PCDHGB1: variants seen among roughly 807,000 people sequenced by gnomAD.
PCDHGB1 encodes the protein protocadherin gamma subfamily B, 1.
A neutral mutation model predicts 56.6 loss-of-function variants in PCDHGB1; 34 were observed. The observed-to-expected ratio is 0.60, with a 90% CI of 0.46 to 0.80. The LOEUF is 0.80. Among genes scored for constraint, PCDHGB1 ranks in the 30% least tolerant of loss-of-function variants. The pLI, the probability that PCDHGB1 is intolerant of heterozygous loss-of-function variation, is 0.00. For missense variants in PCDHGB1, 1,278 were observed against 1,204.6 expected, an observed-to-expected ratio of 1.06 and a Z score of -0.90; for synonymous variants, 561 against 505.9, an observed-to-expected ratio of 1.11 and a Z score of -1.46.
In PCDHGB1 at chr5:141,489,993, C is replaced by T. The variant is rs1413894892; in HGVS notation, c.2410-4814C>T. 18 of 1,614,186 alleles carry T rather than the reference C, an allele frequency of 1.1e-5. No individual in the cohort carries two copies. The highest frequency in any genetic ancestry group is 1.5e-5 in the Non-Finnish European group (18 of 1,179,990). On this transcript the variant is annotated intron_variant, in intron 1 of 3. Transcript: ENST00000523390. The surrounding 1 kb of genome is among the most constrained non-coding windows in gnomAD (Gnocchi z 4.5). ...AATCCTCAGTTCTACGTGTGGGAAT[C>T]CCAGAGAATGCACCCATTGGTACTC...
intron 1 of PCDHGB1, chr5:141,388,607 G>A (rs943233962): frequency 6.2e-7 from 1 of 1,613,904 alleles, no homozygotes; most frequent in Non-Finnish European, 8.5e-7. Context: ...ATGCTCCAGT[G>A]TTCAGTCAAG....
rs759045688 is a variant in PCDHGB1 at position 141,395,208 on chromosome 5, G to C, written c.2409+42539G>C. 5.6e-6 allele frequency: 9 copies of C among 1,613,352 alleles called. No individual in the cohort carries two copies. In the Admixed American group the frequency reaches 1.5e-4, roughly 27 times the overall value. ...TTTGTTAACATCCGTAGATTTTCAT[G>C]AATATAAGAATGAAGCTGATCATGG... On this transcript the variant is annotated intron_variant, in intron 1 of 3. Coordinates refer to ENST00000523390, the MANE Select transcript of PCDHGB1 (RefSeq NM_018922.3).
chr5:141,390,215 A>G, intron 1 of PCDHGB1: 1 of 1,614,038 alleles, frequency 6.2e-7, no homozygotes. Flanking sequence ...GACAAGACAT[A>G]CTTTGCGGTG....
At chr5:141,438,583 CAT>C (rs1561889590) in intron 1 of PCDHGB1, among the ~76,000 whole-genome samples, 4 of 57,610 alleles carry the variant, frequency 6.9e-5, no homozygotes, top group African/African-American at 3.6e-4. Flanking sequence ...TACATACATA[CAT>C]ACATACATAT....
Position 141,491,383 on chromosome 5 carries a change from A to C in PCDHGB1, c.2410-3424A>C. The C allele has an allele frequency of 6.2e-7, 1 of 1,614,036 alleles. No individual in the cohort carries two copies. The highest frequency in any genetic ancestry group is 8.5e-7 in the Non-Finnish European group (1 of 1,179,962). ...AGTCACCTTCACCTTTCTGTCAGCG[A>C]AGTGCCTTCAGGGAAACGCAGACGG... On this transcript the variant is annotated intron_variant, in intron 1 of 3. Transcript: ENST00000523390. This position sits in a 1 kb window ranked among gnomAD's most constrained non-coding sequence, Gnocchi z 6.9.
At chr5:141,357,721 T>C in intron 1 of PCDHGB1, 2 of 1,415,050 alleles carry the variant, frequency 1.4e-6, no homozygotes, top group Non-Finnish European at 1.9e-6. Flanking sequence ...TAAAGTTGCC[T>C]CTTTTAATAT....
chr5:141,362,803 A>C (rs148727944), intron 1 of PCDHGB1, among the ~76,000 whole-genome samples: 2 of 152,166 alleles, frequency 1.3e-5, no homozygotes, highest in African/African-American at 4.8e-5. Context: ...TCATCTTTAC[A>C]TTACTTCTCT....
chr5:141,507,631 C>T (rs1435446169), intron 3 of PCDHGB1, among the ~76,000 whole-genome samples: 4 of 152,236 alleles, frequency 2.6e-5, no homozygotes, highest in East Asian at 3.8e-4. Context: ...TGTGGCCTTG[C>T]GCCCTGAGGC....
chr5:141,475,903 G>C, intron 1 of PCDHGB1: 5 of 576,064 alleles, frequency 8.7e-6, no homozygotes, highest in Non-Finnish European at 1.5e-5. Context: ...TGCCGCTGTC[G>C]GCCAATGAAG....
chr5:141,398,753 G>A (rs141932976), intron 1 of PCDHGB1: 3 of 1,613,452 alleles, frequency 1.9e-6, no homozygotes, highest in East Asian at 2.2e-5. Flanking sequence ...AGTTACCATC[G>A]TTTAGTCCTG....
In PCDHGB1 at chr5:141,434,786, T is replaced by A. The variant is rs867453805; in HGVS notation, c.2410-60021T>A. ...TTCACACTTCTAAAAAAAAAAAAAT[T>A]TTTTTTTCTGAGCTTGGAGAAATAT... On this transcript the variant is annotated intron_variant, in intron 1 of 3. Coordinates refer to ENST00000523390, the MANE Select transcript of PCDHGB1 (RefSeq NM_018922.3). 6.8e-4 allele frequency among the ~76,000 whole-genome samples: 102 copies of A among 150,682 alleles called. 1 individual carries two copies. The highest frequency in any genetic ancestry group is 1.8e-3 in the African/African-American group (72 of 40,898).
chr5:141,418,753 A>G, intron 1 of PCDHGB1: 2 of 1,613,974 alleles, frequency 1.2e-6, no homozygotes, highest in South Asian at 2.2e-5. Context: ...ATTACACTAC[A>G]GGAAACATTC....
intron 1 of PCDHGB1, chr5:141,413,663 A>T: frequency 6.2e-7 from 1 of 1,613,844 alleles, no homozygotes; most frequent in Non-Finnish European, 8.5e-7. Flanking sequence ...GAAGCTATTG[A>T]TCCGGATGTG....
intron 1 of PCDHGB1, among the ~76,000 whole-genome samples, chr5:141,438,397 C>A (rs950830331): frequency 6.6e-6 from 1 of 151,624 alleles, no homozygotes. Context: ...TCATCATTAA[C>A]TCTCTGAAGT....
chr5:141,395,055 G>T, intron 1 of PCDHGB1: 1 of 1,614,178 alleles, frequency 6.2e-7, no homozygotes, highest in African/African-American at 1.3e-5. Context: ...GGAGGTACAG[G>T]CTTTCCTGCA....
chr5:141,420,313 C>A, intron 1 of PCDHGB1: 1 of 1,434,874 alleles, frequency 7.0e-7, no homozygotes, highest in Non-Finnish European at 9.4e-7. Flanking sequence ...TTTTATATTA[C>A]AATATGCCAA....
chr5:141,501,789 C>T (rs367954511), intron 2 of PCDHGB1, among the ~76,000 whole-genome samples: 1 of 152,262 alleles, frequency 6.6e-6, no homozygotes, highest in South Asian at 2.1e-4. Context: ...TCTCCCTCTG[C>T]TCATCTCTTA....
chr5:141,431,227 C>A lies in PCDHGB1; in HGVS notation c.2410-63580C>A, dbSNP rs759752051. On this transcript the variant is annotated intron_variant, in intron 1 of 3. Transcript: ENST00000523390. This position sits in a 1 kb window ranked among gnomAD's most constrained non-coding sequence, Gnocchi z 4.8. Reference sequence around the variant, plus strand: ...CTGAGATGCGGTTCCCTCTACCCCACGCCTGGGATCCGGATATCGGGAAGA... The same window carrying A: ...CTGAGATGCGGTTCCCTCTACCCCAAGCCTGGGATCCGGATATCGGGAAGA... 6.2e-7 allele frequency: 1 copy of A among 1,614,180 alleles called. No homozygotes were observed. The highest frequency in any genetic ancestry group is 8.5e-7 in the Non-Finnish European group (1 of 1,180,042).
intron 1 of PCDHGB1, chr5:141,418,093 C>G: frequency 8.1e-6 from 13 of 1,614,032 alleles, no homozygotes; most frequent in Non-Finnish European, 1.1e-5. Flanking sequence ...TCAGCGTAGA[C>G]GCGCAGAGCG....
Sources: gnomAD v4.1 joint callset for allele counts (sites outside exome capture counted in the v4.1 genomes callset) on GRCh38, gnomAD v4.1.1 for gene constraint, Gnocchi (gnomAD v3.1) non-coding constraint, MANE v1.5 for transcripts, NCBI Gene and HGNC (gene_info 2026-07-23, HGNC 2026-07-21) for gene names.